CARNS1: variants seen among roughly 807,000 people sequenced by gnomAD.
The protein encoded by CARNS1 is carnosine synthase 1.
Under a neutral mutation model 74.0 loss-of-function variants are expected in CARNS1, and 61 were observed. The ratio of observed to expected loss-of-function variants is 0.82; its 90% confidence interval spans 0.67 to 1.02. CARNS1 has a LOEUF of 1.02. CARNS1 is among the 50% of genes least tolerant of loss of function. CARNS1 has a pLI of 0.00. For synonymous variants in CARNS1, 568 were observed against 605.5 expected (o/e 0.94, Z 0.91); for missense variants, 1,278 against 1,308.4 (o/e 0.98, Z 0.36).
At chr11:67,416,244 T>G in intron 2 of CARNS1, 42 bp downstream of exon 2, 1 of 1,536,906 alleles carries the variant, frequency 6.5e-7, no homozygotes, top group Non-Finnish European at 8.7e-7. Context: ...CCCAAGTCCC[T>G]GGGCAGAGAG....
Position 67,424,280 on chromosome 11 carries a change from C to T in CARNS1, c.2532C>T (p.Gly844=). 6.2e-7 allele frequency: 1 copy of T among 1,612,978 alleles called. No individual in the cohort carries two copies. Among genetic ancestry groups the T allele is most frequent in the Non-Finnish European group, 8.5e-7 (1 of 1,179,806 alleles). The change falls in exon 10 of 10, where the codon GGC becomes GGT. Residue 844 remains glycine (G), a synonymous_variant. Transcript: ENST00000687366. ...TGGCTGCTGTTATGGTGGCCTGTGG[C>T]TTGCGTCCTGCCCTGCCCACCCGCC... ...LLLAAVMVAC[G]LRPALPTRPR...
chr11:67,419,467 C>T lies in CARNS1; in HGVS notation c.853-20C>T. 3 of 1,610,146 alleles carry T rather than the reference C, an allele frequency of 1.9e-6. No individual in the cohort carries two copies. The highest frequency in any genetic ancestry group is 2.5e-6 in the Non-Finnish European group (3 of 1,178,860). ...ACCTGGGGTGGTGTCCAGGAGGCCC[C>T]TTTCCCCTCCTTGCTGCAGGTAGCT... is the stretch of plus-strand genomic sequence containing the variant. On this transcript the variant is annotated intron_variant, in intron 5 of 9. Coordinates refer to ENST00000687366, the MANE Select transcript of CARNS1 (RefSeq NM_001166222.2).
At position 67,419,013 on chromosome 11, in the gene CARNS1, C is replaced by T. The variant is rs776155275; in HGVS notation, c.622C>T (p.Arg208Trp). ...CACAGGAGCTTCGGCTGAGCTGGCC[C>T]GGCTGCTGGAGGACCGGCTGCTGAC... The part of the protein sequence containing the change: ...CPTGASAELA[R>W]LLEDRLLTRQ... Residue 208 changes from arginine to tryptophan, a missense_variant, in exon 5 of 10, where the codon CGG (arginine) becomes TGG (tryptophan). Arg to Trp is a moderately radical substitution (Grantham distance 101). Around this residue, in one of 3 missense-constraint regions of CARNS1, gnomAD observed 1,164 missense variants for 1,156.5 expected, o/e 1.01. Transcript: ENST00000687366. 9.0e-6 allele frequency: 14 copies of T among 1,559,114 alleles called. No homozygotes were observed. In the East Asian group the frequency reaches 2.2e-4, roughly 24 times the overall value.
At chr11:67,415,854 C>T (rs1391670314) in intron 1 of CARNS1, 91 bp downstream of exon 1, 4 of 193,230 alleles carry the variant, frequency 2.1e-5, no homozygotes, top group African/African-American at 7.0e-5. Flanking sequence ...GGCGCCCGCT[C>T]CCCGCGGCGG....
In CARNS1 at chr11:67,416,196, C is replaced by G. The variant is rs1164240931; in HGVS notation, c.-4C>G. ...ATCAGTCTCTCAGCCACTCCACCCA[C>G]GAGATGGTGAGTCTTCTGTGGTCCC... On this transcript the variant is annotated 5_prime_UTR_variant, in exon 2 of 10. Transcript: ENST00000687366. 1 of 1,534,690 alleles carries G rather than the reference C, an allele frequency of 6.5e-7. No individual in the cohort carries two copies. The highest frequency in any genetic ancestry group is 8.7e-7 in the Non-Finnish European group (1 of 1,144,564).
At position 67,418,871 on chromosome 11, in the gene CARNS1, G is replaced by C. The variant is rs1400521991; in HGVS notation, c.480G>C (p.Leu160=). Residue 160 remains leucine, a synonymous_variant, in exon 5 of 10, where the codon CTG becomes CTC. Transcript: ENST00000687366. The stretch of plus-strand genomic sequence containing the variant: ...CTGTGAGCTTCCACCCTGGGGGCCT[G>C]ACATTCCTGGATGACTTTGTCCCCC... ...SKAVSFHPGG[L]TFLDDFVPPR... 6.9e-6 allele frequency: 11 copies of C among 1,600,628 alleles called. No homozygotes were observed. The highest frequency in any genetic ancestry group is 7.7e-6 in the Non-Finnish European group (9 of 1,173,832).
intron 2 of CARNS1, chr11:67,416,723 C>T (rs1437507022): frequency 2.0e-6 from 2 of 986,298 alleles, no homozygotes; most frequent in South Asian, 4.7e-5. Context: ...ATTCCATTCA[C>T]ACGAAGCCTC....
chr11:67,417,662 C>G lies in CARNS1; in HGVS notation c.259C>G (p.Gln87Glu). Residue 87 changes from glutamine to glutamate, a missense_variant, in exon 3 of 10, where the codon CAG becomes GAG. By Grantham distance (29) the Gln-to-Glu change is conservative. Around this residue, in one of 3 missense-constraint regions of CARNS1, gnomAD observed 104 missense variants for 127.3 expected, o/e 0.82. Coordinates refer to ENST00000687366, the MANE Select transcript of CARNS1 (RefSeq NM_001166222.2). ...CCTTCCGGAGACTCAGGACCGCGGC[C>G]AGGTGCCCCGCACAGGTGCCCAAGG... ...AGLPETQDRG[Q>E]VPRTGCPGAE... 2.4e-6 allele frequency: 3 copies of G among 1,265,870 alleles called. No homozygotes were observed. The highest frequency in any genetic ancestry group is 3.0e-6 in the Non-Finnish European group (3 of 1,003,980). 78.4% of individuals were successfully genotyped at this position (1,265,870 alleles called of 1,614,324 possible).
intron 9 of CARNS1, among the ~76,000 whole-genome samples, chr11:67,422,009 G>A (rs1403657978): frequency 6.6e-6 from 1 of 151,566 alleles, no homozygotes; most frequent in Non-Finnish European, 1.5e-5. Flanking sequence ...AGGCTCCCGA[G>A]TACCTGGGAC....
Position 67,423,963 on chromosome 11 carries a change from T to C in CARNS1, c.2215T>C (p.Leu739=), listed in dbSNP as rs377737625. 4 of 1,613,282 alleles carry C rather than the reference T, an allele frequency of 2.5e-6. No homozygotes were observed. The highest frequency in any genetic ancestry group is 2.7e-5 in the African/African-American group (2 of 74,866). The change falls in exon 10 of 10, where the codon TTG becomes CTG. Residue 739 remains leucine (L), a synonymous_variant. Transcript: ENST00000687366. This position sits in a 1 kb window ranked among gnomAD's most constrained non-coding sequence, Gnocchi z 5.1. ...CACCGAGCACGACGTGGACCTGGTG[T>C]TGTTTGGTGGGCGGTTGCTGGCTGC... ...EGTEHDVDLV[L]FGGRLLAAFV...
At position 67,419,183 on chromosome 11, in the gene CARNS1, G is replaced by A. The variant is rs749985390; in HGVS notation, c.792G>A (p.Thr264=). 5.2e-6 allele frequency: 8 copies of A among 1,528,002 alleles called. No individual in the cohort carries two copies. In the East Asian group the frequency reaches 9.6e-5, roughly 18 times the overall value. 94.7% of individuals were successfully genotyped at this position (1,528,002 alleles called of 1,614,324 possible). A position where few individuals can be genotyped will look rare whatever the true frequency, so the allele number is the denominator to read the frequency against. Residue 264 remains threonine (T), a synonymous_variant, in exon 5 of 10, where the codon ACG becomes ACA. Transcript: ENST00000687366. ...TGAGTGGCAAAGAGGGCCAGGAGAC[G>A]CTGGTGAAAGAGGAAGTGGAGGCTT... ...VELSGKEGQE[T]LVKEEVEAFL... is the part of the protein sequence containing the mutation.
Position 67,421,163 on chromosome 11 carries a change from G to C in CARNS1, c.1570G>C (p.Ala524Pro). The C allele has an allele frequency of 6.7e-7, 1 of 1,496,190 alleles. No individual in the cohort carries two copies. The highest frequency in any genetic ancestry group is 8.9e-7 in the Non-Finnish European group (1 of 1,128,906). The allele number at this position is 1,496,190 out of a possible 1,614,324, so 92.7% of individuals were successfully genotyped here. Residue 524 changes from alanine to proline, a missense_variant, in exon 9 of 10, where the codon GCT (alanine) becomes CCT (proline). Ala to Pro is a conservative substitution (Grantham distance 27, BLOSUM62 -1). Around this residue, in one of 3 missense-constraint regions of CARNS1, gnomAD observed 1,164 missense variants for 1,156.5 expected, o/e 1.01. Transcript: ENST00000687366. ...GGGAAAACAGCTGCTGGTGGTCGGC[G>C]CTGGCGGCGTCAGCAAGAAGTTCGT... ...MEGKQLLVVG[A>P]GGVSKKFVWE...
At chr11:67,420,482 A>T in intron 7 of CARNS1, 127 bp from the exon 8 acceptor site, 1 of 493,286 alleles carries the variant, frequency 2.0e-6, no homozygotes. Flanking sequence ...AATTTAAGAC[A>T]CGTTGGAGGA....
At position 67,419,531 on chromosome 11, in the gene CARNS1, A is replaced by C. The variant is rs1399234027; in HGVS notation, c.897A>C (p.Ala299=). 1 of 1,609,470 alleles carries C rather than the reference A, an allele frequency of 6.2e-7. No individual in the cohort carries two copies. Among genetic ancestry groups the C allele is most frequent in the Non-Finnish European group, 8.5e-7 (1 of 1,179,154 alleles). The change falls in exon 6 of 10, where the codon GCA becomes GCC. Residue 299 remains alanine (A), a synonymous_variant. Coordinates refer to ENST00000687366, the MANE Select transcript of CARNS1 (RefSeq NM_001166222.2). The part of the protein sequence containing the change: ...LSGWRWRGRQ[A]WRLHPRAELG... ...GCTGGCGCTGGCGGGGGCGGCAGGC[A>C]TGGCGTCTGCACCCGCGGGCAGAGC...
rs770876590 is a variant in CARNS1, at chr11:67,424,257, G to T, written c.2509G>T (p.Ala837Ser). ...LELYGVDLLLAAVMVACGLRP... is the reference protein window; with the variant it reads ...LELYGVDLLLSAVMVACGLRP... ...GCTCTATGGTGTTGACCTGCTGCTGGCTGCTGTTATGGTGGCCTGTGGCTT... is the reference window on the plus strand; with the variant it reads ...GCTCTATGGTGTTGACCTGCTGCTGTCTGCTGTTATGGTGGCCTGTGGCTT... Residue 837 changes from alanine to serine, a missense_variant, in exon 10 of 10, where the codon GCT becomes TCT. Physicochemically the swap from Ala to Ser is moderately conservative, Grantham distance 99. Coordinates refer to ENST00000687366, the MANE Select transcript of CARNS1 (RefSeq NM_001166222.2). The T allele has an allele frequency of 1.9e-6, 3 of 1,613,528 alleles. No individual in the cohort carries two copies. In the South Asian group the frequency reaches 3.3e-5, roughly 18 times the overall value.
intron 2 of CARNS1, chr11:67,416,627 A>G: frequency 9.9e-7 from 1 of 1,007,172 alleles, no homozygotes; most frequent in Non-Finnish European, 1.2e-6. Flanking sequence ...AGACCTCACG[A>G]CTTGCTCAAG....
chr11:67,425,468 CTAG>C lies in CARNS1; in HGVS notation c.*868_*870del. The C allele has an allele frequency of 3.1e-5, 6 of 196,498 alleles. No homozygotes were observed. The highest frequency in any genetic ancestry group is 5.3e-5 in the Non-Finnish European group (5 of 93,604). The allele number at this position is 196,498 out of a possible 1,614,324, so 12.2% of individuals were successfully genotyped here. On this transcript the variant is annotated 3_prime_UTR_variant, in exon 10 of 10. Coordinates refer to ENST00000687366, the MANE Select transcript of CARNS1 (RefSeq NM_001166222.2). ...GTGCTTTGGCCTCTGGCACACCTAA[CTAG>C]CATTGGCAGAGGAGAGTCTACACTC...
At position 67,424,406 on chromosome 11, in the gene CARNS1, C is replaced by A. The variant is rs376556740; in HGVS notation, c.2658C>A (p.His886Gln). Residue 886 changes from histidine to glutamine, a missense_variant, in exon 10 of 10, where the codon CAC (histidine) becomes CAA (glutamine). Physicochemically the swap from His to Gln is conservative, Grantham distance 24. This residue lies in a region of CARNS1 where 1,164 missense variants were observed against 1,156.5 expected (regional missense o/e 1.01). Coordinates refer to ENST00000687366, the MANE Select transcript of CARNS1 (RefSeq NM_001166222.2). ...TASRETLQAL[H>Q]DRGLLRLNLL... ...GCCGTGAGACCCTGCAGGCCCTGCA[C>A]GACCGTGGACTGCTACGCCTCAATC... is the stretch of plus-strand genomic sequence containing the variant. 6.5e-5 allele frequency: 104 copies of A among 1,589,700 alleles called. No homozygotes were observed. The highest frequency in any genetic ancestry group is 8.2e-5 in the Non-Finnish European group (96 of 1,168,406).
At position 67,416,524 on chromosome 11, in the gene CARNS1, C is replaced by T. The variant is rs1359771175; in HGVS notation, c.3+322C>T. On this transcript the variant is annotated intron_variant, in intron 2 of 9. Coordinates refer to ENST00000687366, the MANE Select transcript of CARNS1 (RefSeq NM_001166222.2). ...CCTCTGCCGTCTGGGCCACAGCACA[C>T]CATCTCCCAACAACCAAGAGATTCT... The T allele has an allele frequency of 1.8e-5, 22 of 1,196,338 alleles. No individual in the cohort carries two copies. In the South Asian group the frequency reaches 4.0e-4, roughly 22 times the overall value. 74.1% of individuals were successfully genotyped at this position (1,196,338 alleles called of 1,614,324 possible).
Sources: gnomAD v4.1 joint callset for allele counts (sites outside exome capture counted in the v4.1 genomes callset) on GRCh38, gnomAD v4.1.1 for gene constraint, gnomAD v4.1.1 regional missense constraint, Gnocchi (gnomAD v3.1) non-coding constraint, MANE v1.5 for transcripts, NCBI Gene and HGNC (gene_info 2026-07-23, HGNC 2026-07-21) for gene names.